The following SYTL4 variants were observed in gnomAD, a reference collection of about 807,000 sequenced individuals.
SYTL4 encodes the protein synaptotagmin-like protein 4.
SYTL4 carries 16 observed loss-of-function variants against 52.7 expected under a neutral mutation model. The observed-to-expected ratio is 0.30, with a 90% CI of 0.21 to 0.46. The LOEUF (loss-of-function observed/expected upper bound fraction) is 0.46. Among genes scored for constraint, SYTL4 ranks in the 20% least tolerant of loss-of-function variants. The pLI is 1.00. For synonymous variants in SYTL4, 160 were observed against 186.6 expected (o/e 0.86, Z 1.16); for missense variants, 423 against 519.9 (o/e 0.81, Z 1.81).
chrX:100,697,375 T>C (rs2083726316), intron 8 of SYTL4, among the ~76,000 whole-genome samples: 1 of 112,445 alleles, frequency 8.9e-6, no homozygotes, highest in African/African-American at 3.2e-5. Flanking sequence ...AAAGATAAAT[T>C]GTTTCAAGTT....
At chrX:100,693,257 G>A (rs890195900) in intron 8 of SYTL4, among the ~76,000 whole-genome samples, 17 of 112,197 alleles carry the variant, frequency 1.5e-4, no homozygotes, top group African/African-American at 5.5e-4. Flanking sequence ...TCAAACTCCA[G>A]ACTTGTTTTT....
intron 2 of SYTL4, among the ~76,000 whole-genome samples, chrX:100,726,586 A>C (rs1410086445): frequency 9.7e-6 from 1 of 103,325 alleles, no homozygotes; most frequent in East Asian, 3.0e-4. Context: ...TCACTCTGGC[A>C]CTCCCACCCT....
rs560515302 is a variant in SYTL4, at chrX:100,682,231, T to C, written c.1450-896A>G. On this transcript the variant is annotated intron_variant, in intron 16 of 19. Transcript: ENST00000372989. ...AAAACCCAGGATACGAACAAACTTA[T>C]CCTCGTTTCCTCTAGGGAGGGCAAC... 3.6e-5 allele frequency among the ~76,000 whole-genome samples: 4 copies of C among 111,638 alleles called. No homozygotes were observed. The South Asian group carries it at 1.5e-3, about 42-fold the overall frequency.
intron 2 of SYTL4, among the ~76,000 whole-genome samples, chrX:100,721,375 A>G: frequency 8.9e-6 from 1 of 111,780 alleles, no homozygotes; most frequent in East Asian, 2.8e-4. Context: ...GCACATCAAT[A>G]AGGATGTTCT....
intron 8 of SYTL4, among the ~76,000 whole-genome samples, chrX:100,699,444 A>G (rs1335048353): frequency 3.8e-5 from 4 of 104,421 alleles, no homozygotes; most frequent in African/African-American, 1.4e-4. Context: ...ACATACATCC[A>G]CACAAAACTC....
intron 1 of SYTL4, 35 bp from the exon 2 acceptor site, chrX:100,731,540 C>A (rs2084645655): frequency 8.9e-6 from 1 of 112,589 alleles, no homozygotes; most frequent in African/African-American, 3.2e-5. Context: ...TGACTGGACG[C>A]CTTGGAGGGC....
chrX:100,684,009 TAA>T (rs2083430635), intron 16 of SYTL4, among the ~76,000 whole-genome samples: 1 of 112,018 alleles, frequency 8.9e-6, no homozygotes, highest in Non-Finnish European at 1.9e-5. Flanking sequence ...GCCAAATGGT[TAA>T]AAAATTCTAA....
Position 100,678,618 on chromosome X carries a change from T to C in SYTL4, c.1659-19A>G. ...GAGGTATCTGGCAGAGGGCGGGGAG[T>C]AATCAACAGCCTACTCAAAGCGGAC... On this transcript the variant is annotated intron_variant, in intron 18 of 19. Transcript: ENST00000372989. The C allele has an allele frequency of 8.6e-7, 1 of 1,161,023 alleles. No homozygotes were observed. Among genetic ancestry groups the C allele is most frequent in the Non-Finnish European group, 1.2e-6 (1 of 849,849 alleles).
intron 16 of SYTL4, among the ~76,000 whole-genome samples, chrX:100,683,145 T>A (rs1428504688): frequency 1.0e-5 from 1 of 99,116 alleles, no homozygotes; most frequent in Non-Finnish European, 2.0e-5. Context: ...TTTTTTTTTT[T>A]TTTTTTTTTT....
chrX:100,708,074 G>A (rs757369375), intron 2 of SYTL4, among the ~76,000 whole-genome samples: 4 of 107,880 alleles, frequency 3.7e-5, no homozygotes, highest in Admixed American at 2.0e-4. Flanking sequence ...GGGGCCTGTC[G>A]GGGGTGGGGG....
At chrX:100,712,750 T>C (rs1001847305) in intron 2 of SYTL4, among the ~76,000 whole-genome samples, 12 of 112,237 alleles carry the variant, frequency 1.1e-4, no homozygotes, top group Non-Finnish European at 2.1e-4. Flanking sequence ...ATATCCAGCA[T>C]ATATAAAGAA....
At chrX:100,687,304 C>G in intron 13 of SYTL4, 59 bp from the exon 14 acceptor site, 1 of 1,034,391 alleles carries the variant, frequency 9.7e-7, no homozygotes. Flanking sequence ...CCGCATTGCT[C>G]ACATCTTCCC....
At chrX:100,725,191 G>A (rs138977584) in intron 2 of SYTL4, among the ~76,000 whole-genome samples, 3 of 111,529 alleles carry the variant, frequency 2.7e-5, no homozygotes, top group Non-Finnish European at 5.6e-5. Context: ...TTTCACAGGA[G>A]ATCAAAAGGG....
Position 100,731,476 on chromosome X carries a change from G to T in SYTL4, c.-298C>A. 1 of 112,648 alleles carries T rather than the reference G, an allele frequency of 8.9e-6. No homozygotes were observed. The allele number at this position is 112,648 out of a possible 1,213,427, so 9.3% of individuals were successfully genotyped here. A position where few individuals can be genotyped will look rare whatever the true frequency, so the allele number is the denominator to read the frequency against. On this transcript the variant is annotated 5_prime_UTR_variant, in exon 2 of 20. Transcript: ENST00000372989. ...GATGTCGTAGGTCCGAAGAGAGTGC[G>T]GGTTAGCGACCCCGCTCGACGGCCG...
chrX:100,678,226 C>T (rs918974387), intron 19 of SYTL4, among the ~76,000 whole-genome samples, 165 bp downstream of exon 19: 7 of 111,539 alleles, frequency 6.3e-5, no homozygotes, highest in African/African-American at 2.3e-4. Context: ...TTCCCCTAGT[C>T]CTGGCACATA....
rs1461298411 is a variant in SYTL4, at chrX:100,708,073, CG to C, written c.-239-3188del. On this transcript the variant is annotated intron_variant, in intron 2 of 19. Transcript: ENST00000372989. Reference sequence around the variant, plus strand: ...GGGAACATCATACACCGGGGCCTGTCGGGGGTGGGGGGCTAGGGGAGGGATA... The same window carrying C: ...GGGAACATCATACACCGGGGCCTGTCGGGGTGGGGGGCTAGGGGAGGGATA... Among the ~76,000 whole-genome samples, 4 of 35,988 alleles carry C rather than the reference CG, an allele frequency of 1.1e-4. No homozygotes were observed. In the Admixed American group the frequency reaches 1.7e-3, roughly 15 times the overall value. The allele number at this position is 35,988 out of a possible 115,157, so 31.3% of individuals were successfully genotyped here. A position where few individuals can be genotyped will look rare whatever the true frequency, so the allele number is the denominator to read the frequency against.
chrX:100,686,906 T>G, intron 14 of SYTL4, 125 bp from the exon 15 acceptor site: 3 of 810,205 alleles, frequency 3.7e-6, no homozygotes, highest in African/African-American at 2.1e-5. Flanking sequence ...TCAAGCCCTC[T>G]TAGACATGCC....
intron 5 of SYTL4, 71 bp downstream of exon 5, chrX:100,701,857 G>A: frequency 1.1e-6 from 1 of 896,437 alleles, no homozygotes; most frequent in Non-Finnish European, 1.6e-6. Context: ...AGTCAGGTGG[G>A]AGACATAAGG....
At chrX:100,686,817 C>A (rs377570910) in intron 14 of SYTL4, 36 bp from the exon 15 acceptor site, 1 of 1,117,208 alleles carries the variant, frequency 9.0e-7, no homozygotes, top group South Asian at 1.9e-5. Flanking sequence ...AATTTGCTGG[C>A]CTTTCTCAAG....
Sources: allele counts gnomAD v4.1 joint callset (sites outside exome capture counted in the v4.1 genomes callset), GRCh38; gene constraint gnomAD v4.1.1; transcripts MANE v1.5; gene names NCBI Gene and HGNC (gene_info 2026-07-23, HGNC 2026-07-21).